Variants in SPAG9 observed in about 807,000 individuals in gnomAD.
The protein encoded by SPAG9 is C-Jun-amino-terminal kinase-interacting protein 4.
In SPAG9, 35 loss-of-function variants were observed where a neutral mutation model predicts 166.5. The observed-to-expected ratio is 0.21, with a 90% CI of 0.16 to 0.28. The LOEUF (loss-of-function observed/expected upper bound fraction) is 0.28. SPAG9 is among the 10% of genes least tolerant of loss of function. The pLI, the probability that SPAG9 is intolerant of heterozygous loss-of-function variation, is 1.00. For synonymous variants in SPAG9, 534 were observed against 565.5 expected (o/e 0.94, Z 0.79); for missense variants, 1,235 against 1,603.3 (o/e 0.77, Z 3.92).
At chr17:51,103,251 GTTAA>G (rs2144744515) in intron 1 of SPAG9, among the ~76,000 whole-genome samples, 1 of 152,266 alleles carries the variant, frequency 6.6e-6, no homozygotes, top group East Asian at 1.9e-4. Flanking sequence ...ACAAATTTCT[GTTAA>G]TTATCTACTG....
At chr17:50,972,093 C>T (rs1973866918) in intron 28 of SPAG9, among the ~76,000 whole-genome samples, 1 of 152,030 alleles carries the variant, frequency 6.6e-6, no homozygotes, top group African/African-American at 2.4e-5. Flanking sequence ...TGAAGTCTTG[C>T]TATGTTTGCC....
At chr17:51,021,455 A>G in intron 6 of SPAG9, 90 bp from the exon 7 acceptor site, 3 of 1,115,298 alleles carry the variant, frequency 2.7e-6, no homozygotes, top group Non-Finnish European at 3.7e-6. Flanking sequence ...TCTACCAAAG[A>G]AAGTTCTATT....
intron 10 of SPAG9, among the ~76,000 whole-genome samples, chr17:51,006,846 G>A (rs544688782): frequency 6.6e-6 from 1 of 152,262 alleles, no homozygotes; most frequent in East Asian, 1.9e-4. Flanking sequence ...AGAATGCACA[G>A]CTATGGAAGA....
chr17:51,040,783 G>A (rs2046808200), intron 5 of SPAG9, among the ~76,000 whole-genome samples: 2 of 152,166 alleles, frequency 1.3e-5, no homozygotes, highest in South Asian at 4.1e-4. Context: ...TAAGATACAT[G>A]TAACTCATTT....
intron 1 of SPAG9, among the ~76,000 whole-genome samples, chr17:51,097,853 G>A (rs572924139): frequency 1.3e-5 from 2 of 152,188 alleles, no homozygotes; most frequent in South Asian, 4.2e-4. Context: ...TTGGAGTGCA[G>A]GTGACACGAT....
chr17:51,019,410 A>C (rs1457057901), intron 8 of SPAG9, among the ~76,000 whole-genome samples: 1 of 151,862 alleles, frequency 6.6e-6, no homozygotes, highest in Non-Finnish European at 1.5e-5. Context: ...AAAAAAAATT[A>C]GCTAGGCATG....
At chr17:51,100,236 G>A (rs1388531360) in intron 1 of SPAG9, among the ~76,000 whole-genome samples, 1 of 152,174 alleles carries the variant, frequency 6.6e-6, no homozygotes, top group Non-Finnish European at 1.5e-5. Context: ...CTGGCCCTTG[G>A]CTAGGTTAAG....
chr17:51,032,115 T>C (rs779827244), intron 5 of SPAG9, among the ~76,000 whole-genome samples: 2 of 152,220 alleles, frequency 1.3e-5, no homozygotes, highest in Non-Finnish European at 2.9e-5. Context: ...CATTTCTGAA[T>C]TAGTTAGATA....
chr17:51,019,450 G>A (rs934781824), intron 8 of SPAG9, among the ~76,000 whole-genome samples: 6 of 152,042 alleles, frequency 3.9e-5, no homozygotes, highest in Admixed American at 6.6e-5. Context: ...CCAGCTACTC[G>A]GGAAGCTGAG....
chr17:51,031,908 G>A lies in SPAG9; in HGVS notation c.742-186C>T, dbSNP rs1036639075. On this transcript the variant is annotated intron_variant, in intron 5 of 29. Coordinates refer to ENST00000262013, the MANE Select transcript of SPAG9 (RefSeq NM_001130528.3). ...AGCTGACCTTAACACTCTAGTTTAA[G>A]TAATATCATGGTTCAGAAGCCACCA... The A allele has an allele frequency of 8.8e-6, 6 of 680,666 alleles. No homozygotes were observed. The East Asian group carries it at 1.4e-4, about 16-fold the overall frequency. The allele number at this position is 680,666 out of a possible 1,614,324, so 42.2% of individuals were successfully genotyped here.
In SPAG9 at chr17:50,990,543, T is replaced by C. The variant is rs1208217044; in HGVS notation, c.2524A>G (p.Ile842Val). 4 of 1,614,230 alleles carry C rather than the reference T, an allele frequency of 2.5e-6. No homozygotes were observed. The highest frequency in any genetic ancestry group is 3.4e-6 in the Non-Finnish European group (4 of 1,180,024). The stretch of plus-strand genomic sequence containing the variant: ...TCTGCAGAACAACCAACCACTGTGA[T>C]GCCTCCTAACAGGCTGTCTGTCTCT... Reference protein sequence around the residue: ...SAETDSLLGGITVVGCSAEGV... With the variant: ...SAETDSLLGGVTVVGCSAEGV... Residue 842 changes from isoleucine (I) to valine (V), a missense_variant, in exon 20 of 30, where the codon ATC (isoleucine) becomes GTC (valine). Ile to Val is a conservative substitution (Grantham distance 29, BLOSUM62 3). This residue lies in a region of SPAG9 where 493 missense variants were observed against 559.4 expected (regional missense o/e 0.88). Coordinates refer to ENST00000262013, the MANE Select transcript of SPAG9 (RefSeq NM_001130528.3).
chr17:51,065,190 T>C (rs557250027), intron 2 of SPAG9, among the ~76,000 whole-genome samples: 2 of 152,294 alleles, frequency 1.3e-5, no homozygotes, highest in East Asian at 3.9e-4. Context: ...TAGATTTCAA[T>C]TTTTAATTTT....
In SPAG9 at chr17:50,966,355, C is replaced by T; in HGVS notation, c.3883G>A (p.Glu1295Lys). 3 of 1,613,708 alleles carry T rather than the reference C, an allele frequency of 1.9e-6. No homozygotes were observed. Among genetic ancestry groups the T allele is most frequent in the Non-Finnish European group, 2.5e-6 (3 of 1,179,630 alleles). Residue 1295 changes from glutamate (E) to lysine (K), a missense_variant, in exon 30 of 30, where the codon GAG becomes AAG. By Grantham distance (56) the Glu-to-Lys change is moderately conservative. Transcript: ENST00000262013. ...ACAGAAGGTTCAAGTGGAAGATCCT[C>T]TCCAAGAAGTTCTGATTCTCCACCT... ...DEGGESELLG[E>K]DLPLEPSVTK... is the part of the protein sequence containing the mutation.
intron 5 of SPAG9, among the ~76,000 whole-genome samples, chr17:51,038,140 C>A (rs1285479348): frequency 2.0e-5 from 3 of 151,940 alleles, no homozygotes; most frequent in Admixed American, 2.0e-4. Flanking sequence ...GTAATCTAGG[C>A]AAGGTAAAGC....
chr17:51,029,445 C>T (rs546720561), intron 6 of SPAG9, among the ~76,000 whole-genome samples: 1 of 152,190 alleles, frequency 6.6e-6, no homozygotes, highest in Non-Finnish European at 1.5e-5. Flanking sequence ...TATCATCCAG[C>T]AATCTCACTT....
At chr17:51,108,405 T>A (rs946593012) in intron 1 of SPAG9, among the ~76,000 whole-genome samples, 7 of 144,670 alleles carry the variant, frequency 4.8e-5, no homozygotes, top group South Asian at 4.4e-4. Flanking sequence ...AAAAAAAAAA[T>A]AGTTACTAGC....
rs2048548365 is a variant in SPAG9, at chr17:51,094,122, CCTT to C, written c.304-14421_304-14419del. Among the ~76,000 whole-genome samples, 5 of 152,262 alleles carry C rather than the reference CCTT, an allele frequency of 3.3e-5. No individual in the cohort carries two copies. In the South Asian group the frequency reaches 1.0e-3, roughly 32 times the overall value. ...ACCAGCCACACCTCAAAGAGACTATCCTTCTCTGGAAAAACTCAAGTGTCTCTA... is the reference window on the plus strand; with the variant it reads ...ACCAGCCACACCTCAAAGAGACTATCCTCTGGAAAAACTCAAGTGTCTCTA... On this transcript the variant is annotated intron_variant, in intron 1 of 29. Transcript: ENST00000262013.
intron 1 of SPAG9, among the ~76,000 whole-genome samples, chr17:51,106,635 A>C (rs1476628106): frequency 6.6e-6 from 1 of 152,004 alleles, no homozygotes; most frequent in Non-Finnish European, 1.5e-5. Flanking sequence ...TGTCTCTACC[A>C]AAAATACAAA....
chr17:51,118,850 G>A (rs770113177), intron 1 of SPAG9, among the ~76,000 whole-genome samples: 6 of 152,112 alleles, frequency 3.9e-5, no homozygotes, highest in African/African-American at 7.2e-5. Context: ...AGGAGTTCAA[G>A]ACCATCCTAG....
Sources: gnomAD v4.1 joint callset for allele counts (sites outside exome capture counted in the v4.1 genomes callset) on GRCh38, gnomAD v4.1.1 for gene constraint, gnomAD v4.1.1 regional missense constraint, MANE v1.5 for transcripts, NCBI Gene and HGNC (gene_info 2026-07-23, HGNC 2026-07-21) for gene names.